Variants in LAMA2 observed in about 807,000 individuals in gnomAD.
LAMA2 encodes the protein laminin subunit alpha-2.
Under a neutral mutation model 364.8 loss-of-function variants are expected in LAMA2, and 269 were observed. That is an observed-to-expected ratio of 0.74 (90% CI 0.67 to 0.82). The LOEUF (loss-of-function observed/expected upper bound fraction) is 0.82. Ranked by LOEUF, LAMA2 falls within the 40% of genes least tolerant of loss-of-function variation. The pLI is 0.00. For synonymous variants in LAMA2, 1,379 were observed against 1,370.6 expected (o/e 1.01, Z -0.14); for missense variants, 3,807 against 3,873.2 (o/e 0.98, Z 0.45).
rs764060943 is a variant in LAMA2 at position 129,478,755 on chromosome 6, C to T, written c.7514C>T (p.Pro2505Leu). Residue 2505 changes from proline (P) to leucine (L), a missense_variant, in exon 54 of 65, where the codon CCG (proline) becomes CTG (leucine). Around this residue, in one of 3 missense-constraint regions of LAMA2, gnomAD observed 3,333 missense variants for 3,345.7 expected, o/e 1.00. Coordinates refer to ENST00000421865, the MANE Select transcript of LAMA2 (RefSeq NM_000426.4). Reference protein sequence around the residue: ...CLKDIEISRTPYNILSSPDYV... With the variant: ...CLKDIEISRTLYNILSSPDYV... ...AAAGATATTGAAATTTCAAGAACTC[C>T]GTACAATATACTCAGTAGTCCCGAT... The T allele has an allele frequency of 2.9e-5, 46 of 1,612,236 alleles. No homozygotes were observed. The highest frequency in any genetic ancestry group is 1.0e-4 in the Admixed American group (6 of 59,986).
At chr6:129,058,287 A>G (rs1369429673) in intron 2 of LAMA2, among the ~76,000 whole-genome samples, 2 of 152,232 alleles carry the variant, frequency 1.3e-5, no homozygotes, top group African/African-American at 4.8e-5. Context: ...GCAGCCCAGG[A>G]GTAGTGGCTG....
intron 12 of LAMA2, among the ~76,000 whole-genome samples, chr6:129,238,003 CAAAA>C (rs372294022): frequency 8.0e-6 from 1 of 125,390 alleles, no homozygotes; most frequent in African/African-American, 3.2e-5. Flanking sequence ...ACTAAAAATA[CAAAA>C]AAAAAAAAAA....
chr6:129,406,130 A>T (rs1279965892), intron 40 of LAMA2, among the ~76,000 whole-genome samples: 1 of 152,164 alleles, frequency 6.6e-6, no homozygotes, highest in African/African-American at 2.4e-5. Flanking sequence ...TGATAGAAAT[A>T]ACCTCCAAGC....
At chr6:129,009,249 C>T (rs999521177) in intron 1 of LAMA2, among the ~76,000 whole-genome samples, 2 of 151,994 alleles carry the variant, frequency 1.3e-5, no homozygotes, top group Admixed American at 1.3e-4. Flanking sequence ...ATAGTCTTCC[C>T]ACCCAGACCA....
intron 7 of LAMA2, among the ~76,000 whole-genome samples, chr6:129,153,825 T>C (rs1318273051): frequency 6.6e-6 from 1 of 152,162 alleles, no homozygotes; most frequent in Non-Finnish European, 1.5e-5. Context: ...CAGGCTCTAA[T>C]ACAGAAATTT....
chr6:129,131,419 C>T (rs1443865840), intron 4 of LAMA2, among the ~76,000 whole-genome samples: 2 of 152,216 alleles, frequency 1.3e-5, no homozygotes, highest in Admixed American at 1.3e-4. Flanking sequence ...AACTCCCTGC[C>T]AGCTAACCAT....
At chr6:129,506,787 G>A (rs1021497755) in intron 61 of LAMA2, among the ~76,000 whole-genome samples, 1 of 152,070 alleles carries the variant, frequency 6.6e-6, no homozygotes, top group African/African-American at 2.4e-5. Flanking sequence ...GGCTTCTCTT[G>A]TGGATGATCA....
intron 32 of LAMA2, among the ~76,000 whole-genome samples, chr6:129,357,879 A>G (rs1474210144): frequency 6.6e-6 from 1 of 152,040 alleles, no homozygotes; most frequent in African/African-American, 2.4e-5. Flanking sequence ...GAATGTGGTT[A>G]TCACTGTAAT....
At chr6:129,278,009 C>G (rs567731148) in intron 17 of LAMA2, among the ~76,000 whole-genome samples, 1 of 152,110 alleles carries the variant, frequency 6.6e-6, no homozygotes, top group South Asian at 2.1e-4. Context: ...CAAGACCAGC[C>G]CGGCCAATAT....
intron 48 of LAMA2, among the ~76,000 whole-genome samples, chr6:129,459,698 T>A (rs1317208943): frequency 6.6e-6 from 1 of 152,198 alleles, no homozygotes; most frequent in Middle Eastern, 3.4e-3. Flanking sequence ...ATGTCCCCTT[T>A]CTTCTGATCT....
Position 129,288,163 on chromosome 6 carries a change from T to C in LAMA2, c.2749+105T>C. 3 of 925,852 alleles carry C rather than the reference T, an allele frequency of 3.2e-6. No individual in the cohort carries two copies. The South Asian group carries it at 4.0e-5, about 12-fold the overall frequency. 57.4% of individuals were successfully genotyped at this position (925,852 alleles called of 1,614,324 possible). On this transcript the variant is annotated intron_variant, in intron 19 of 64. Transcript: ENST00000421865. ...TTGAAGAGTAGGAAATTATGTGGAA[T>C]ACATGGTTGATAGATGCATAGAATA...
chr6:129,506,277 C>T lies in LAMA2; in HGVS notation c.8703+922C>T, dbSNP rs142045850. On this transcript the variant is annotated intron_variant, in intron 61 of 64. Coordinates refer to ENST00000421865, the MANE Select transcript of LAMA2 (RefSeq NM_000426.4). ...CTGAGGCAAGAGAATCACTTGAACC[C>T]GAGGGTCAGAGGTTGCAGTGAGCTG... is the stretch of plus-strand genomic sequence containing the variant. 1.5e-3 allele frequency among the ~76,000 whole-genome samples: 231 copies of T among 151,882 alleles called. 1 individual carries two copies. Among genetic ancestry groups the T allele is most frequent in the African/African-American group, 3.8e-3 (157 of 41,422 alleles).
At chr6:129,164,328 A>G (rs748737049) in intron 8 of LAMA2, among the ~76,000 whole-genome samples, 4 of 152,232 alleles carry the variant, frequency 2.6e-5, no homozygotes, top group Non-Finnish European at 5.9e-5. Flanking sequence ...CATGCAAATT[A>G]AAACTTTTCA....
intron 58 of LAMA2, among the ~76,000 whole-genome samples, chr6:129,495,514 T>G (rs1188258989): frequency 6.6e-6 from 1 of 152,200 alleles, no homozygotes; most frequent in Non-Finnish European, 1.5e-5. Flanking sequence ...AATGTTTTAA[T>G]GTTTTTAATA....
chr6:128,885,373 A>G (rs1189719087), intron 1 of LAMA2, among the ~76,000 whole-genome samples: 1 of 152,212 alleles, frequency 6.6e-6, no homozygotes, highest in African/African-American at 2.4e-5. Flanking sequence ...ACAAATTTAG[A>G]ACTTAGGCTT....
chr6:129,514,377 T>TGTTTCATGTGGAC lies in LAMA2; in HGVS notation c.8994_9006dup (p.Asn3003ValfsTer15). The TGTTTCATGTGGAC allele has an allele frequency of 6.2e-7, 1 of 1,610,310 alleles. No individual in the cohort carries two copies. Among genetic ancestry groups the TGTTTCATGTGGAC allele is most frequent in the Non-Finnish European group, 8.5e-7 (1 of 1,176,538 alleles). On this transcript the variant is annotated frameshift_variant, in exon 64 of 65. Transcript: ENST00000421865. LOFTEE classifies it high-confidence loss of function. ...GTTCTATTTCCTACTTTCCAGTTGA[T>TGTTTCATGTGGAC]GTTTCATGTGGACAATGGTGCGGGC... is the stretch of plus-strand genomic sequence containing the variant.
chr6:129,409,223 C>T (rs1780400570), intron 40 of LAMA2, among the ~76,000 whole-genome samples: 1 of 152,134 alleles, frequency 6.6e-6, no homozygotes, highest in Non-Finnish European at 1.5e-5. Flanking sequence ...TGCAGCTGTC[C>T]ACTTTTGGGT....
At chr6:129,486,809 T>A (rs1374960167) in intron 56 of LAMA2, among the ~76,000 whole-genome samples, 187 bp downstream of exon 56, 1 of 152,178 alleles carries the variant, frequency 6.6e-6, no homozygotes, top group Non-Finnish European at 1.5e-5. Context: ...CCTCAGCCCT[T>A]AGGAGTTCTA....
chr6:128,925,094 A>G (rs772524542), intron 1 of LAMA2, among the ~76,000 whole-genome samples: 10 of 152,178 alleles, frequency 6.6e-5, no homozygotes, highest in Non-Finnish European at 1.2e-4. Flanking sequence ...ACAATCATGG[A>G]AAACAGTATG....
Sources: allele counts gnomAD v4.1 joint callset (sites outside exome capture counted in the v4.1 genomes callset), GRCh38; gene constraint gnomAD v4.1.1; regional missense constraint gnomAD v4.1.1; transcripts MANE v1.5; gene names NCBI Gene and HGNC (gene_info 2026-07-23, HGNC 2026-07-21).